The following XIRP2 variants were observed in gnomAD, a reference collection of about 807,000 sequenced individuals.
XIRP2 encodes xin actin binding repeat containing 2, also known as xin actin-binding repeat-containing protein 2.
In XIRP2, 236 loss-of-function variants were observed where a neutral mutation model predicts 277.0. That is an observed-to-expected ratio of 0.85 (90% CI 0.77 to 0.95). The LOEUF (loss-of-function observed/expected upper bound fraction) is 0.95, where lower values mean the gene tolerates loss of function less well. Among genes scored for constraint, XIRP2 ranks in the 40% least tolerant of loss-of-function variants. XIRP2 has a pLI of 0.00. For synonymous variants in XIRP2, 1,490 were observed against 1,416.5 expected (o/e 1.05, Z -1.17); for missense variants, 4,640 against 4,157.5 (o/e 1.12, Z -3.19).
At chr2:166,940,482 C>T (rs183319904) in intron 2 of XIRP2, among the ~76,000 whole-genome samples, 10 of 152,342 alleles carry the variant, frequency 6.6e-5, no homozygotes, top group Non-Finnish European at 1.5e-4. Flanking sequence ...TGTTCTGTTG[C>T]TGGCGAGGAG....
chr2:167,096,526 G>C (rs1376735355), intron 2 of XIRP2, among the ~76,000 whole-genome samples: 1 of 151,922 alleles, frequency 6.6e-6, no homozygotes, highest in East Asian at 1.9e-4. Context: ...CTTTTTGAAG[G>C]GTTTTTCATG....
intron 2 of XIRP2, among the ~76,000 whole-genome samples, chr2:166,968,596 C>T (rs1686489669): frequency 6.6e-6 from 1 of 151,918 alleles, no homozygotes; most frequent in Non-Finnish European, 1.5e-5. Context: ...AAACTTACTG[C>T]TTATTTGTTG....
chr2:166,911,638 T>C (rs935248064), intron 2 of XIRP2, among the ~76,000 whole-genome samples: 2 of 152,220 alleles, frequency 1.3e-5, no homozygotes, highest in African/African-American at 4.8e-5. Context: ...ATGTGTGAAT[T>C]TGATCCTGTC....
At position 167,251,246 on chromosome 2, in the gene XIRP2, C is replaced by T; in HGVS notation, c.9854C>T (p.Pro3285Leu). 6.2e-7 allele frequency: 1 copy of T among 1,613,558 alleles called. No homozygotes were observed. The highest frequency in any genetic ancestry group is 8.5e-7 in the Non-Finnish European group (1 of 1,179,700). The change falls in exon 9 of 11, where the codon CCC (proline) becomes CTC (leucine). Residue 3285 changes from proline (P) to leucine (L), a missense_variant. Coordinates refer to ENST00000409195, the MANE Select transcript of XIRP2 (RefSeq NM_152381.6). The stretch of plus-strand genomic sequence containing the variant: ...CTAAATTCCACTGATCACATGGTGC[C>T]CGACACTGAAAGTTATGATGCAGTT... ...DGLNSTDHMV[P>L]DTESYDAVEI...
intron 3 of XIRP2, among the ~76,000 whole-genome samples, chr2:167,205,860 C>G (rs1693839605): frequency 6.6e-6 from 1 of 152,044 alleles, no homozygotes. Flanking sequence ...ATTTTTATGT[C>G]TACCTTATTG....
At position 166,984,898 on chromosome 2, in the gene XIRP2, T is replaced by C. The variant is rs1686962061; in HGVS notation, c.408+81008T>C. 3.3e-5 allele frequency among the ~76,000 whole-genome samples: 5 copies of C among 152,328 alleles called. No homozygotes were observed. The South Asian group carries it at 1.0e-3, about 32-fold the overall frequency. Reference sequence around the variant, plus strand: ...GAGCTTTTGGCTTTATAAGACTCAATTTGAATTTTACTTTTTTCAAATCAG... The same window carrying C: ...GAGCTTTTGGCTTTATAAGACTCAACTTGAATTTTACTTTTTTCAAATCAG... On this transcript the variant is annotated intron_variant, in intron 2 of 10. Transcript: ENST00000409195.
chr2:167,231,953 A>C (rs970245963), intron 5 of XIRP2, among the ~76,000 whole-genome samples: 1 of 151,946 alleles, frequency 6.6e-6, no homozygotes, highest in Non-Finnish European at 1.5e-5. Flanking sequence ...TATATTCTGT[A>C]CTGTTACTGG....
intron 4 of XIRP2, among the ~76,000 whole-genome samples, chr2:167,214,265 G>C (rs1449022931): frequency 3.2e-5 from 3 of 92,598 alleles, no homozygotes; most frequent in Non-Finnish European, 4.1e-5. Context: ...AGGAAAGAGA[G>C]AGAGAGAAAG....
intron 5 of XIRP2, among the ~76,000 whole-genome samples, chr2:167,236,548 G>A (rs1399462959): frequency 6.6e-6 from 1 of 151,968 alleles, no homozygotes; most frequent in African/African-American, 2.4e-5. Context: ...TTCAAAGTTA[G>A]AGCATATACA....
At chr2:166,888,844 A>T (rs1005687944) in intron 1 of XIRP2, among the ~76,000 whole-genome samples, 1 of 152,162 alleles carries the variant, frequency 6.6e-6, no homozygotes, top group Non-Finnish European at 1.5e-5. Flanking sequence ...AATCTCTCAG[A>T]CTCAAAACAC....
Position 167,251,022 on chromosome 2 carries a change from G to C in XIRP2, c.9630G>C (p.Lys3210Asn), listed in dbSNP as rs772147805. The change falls in exon 9 of 11, where the codon AAG becomes AAC. Residue 3210 changes from lysine to asparagine, a missense_variant. By Grantham distance (94) the Lys-to-Asn change is moderately conservative (BLOSUM62 0). Transcript: ENST00000409195. ...PAATPVPIVEKRSEIIMSPAT... is the reference protein window; with the variant it reads ...PAATPVPIVENRSEIIMSPAT... ...CAACCCCGGTTCCAATTGTAGAGAA[G>C]AGGTCTGAAATCATCATGTCTCCTG... 1.1e-5 allele frequency: 17 copies of C among 1,613,528 alleles called. No individual in the cohort carries two copies. The highest frequency in any genetic ancestry group is 1.4e-5 in the Non-Finnish European group (17 of 1,179,738).
intron 5 of XIRP2, among the ~76,000 whole-genome samples, chr2:167,231,323 A>G (rs1258976638): frequency 6.6e-6 from 1 of 151,998 alleles, no homozygotes; most frequent in Non-Finnish European, 1.5e-5. Flanking sequence ...GATACCCTTA[A>G]CAGGAAAACT....
At chr2:166,999,520 A>T (rs1169149169) in intron 2 of XIRP2, among the ~76,000 whole-genome samples, 1 of 152,160 alleles carries the variant, frequency 6.6e-6, no homozygotes, top group African/African-American at 2.4e-5. Flanking sequence ...TGCAACGTAC[A>T]TCCATGTTCC....
chr2:167,166,491 T>C (rs901938158), intron 3 of XIRP2, among the ~76,000 whole-genome samples: 4 of 152,144 alleles, frequency 2.6e-5, no homozygotes, highest in Non-Finnish European at 5.9e-5. Context: ...GATGGTTGTG[T>C]TCATCTGTTT....
chr2:166,932,343 A>G (rs997676251), intron 2 of XIRP2, among the ~76,000 whole-genome samples: 1 of 151,824 alleles, frequency 6.6e-6, no homozygotes. Context: ...CAGTCCCCCA[A>G]GTAGCTGGGG....
At chr2:166,987,468 G>A (rs567074222) in intron 2 of XIRP2, among the ~76,000 whole-genome samples, 41 of 152,214 alleles carry the variant, frequency 2.7e-4, no homozygotes, top group African/African-American at 9.6e-4. Context: ...AAACAGTTGA[G>A]ACATTTGGGG....
At chr2:167,037,768 AAG>A (rs1688552222) in intron 2 of XIRP2, among the ~76,000 whole-genome samples, 3 of 152,058 alleles carry the variant, frequency 2.0e-5, no homozygotes, top group Admixed American at 1.3e-4. Context: ...ATCAGAATAC[AAG>A]AGTCTATGTA....
chr2:167,176,771 A>T (rs1692858413), intron 3 of XIRP2, among the ~76,000 whole-genome samples: 1 of 152,092 alleles, frequency 6.6e-6, no homozygotes, highest in African/African-American at 2.4e-5. Flanking sequence ...TCACCAGAGG[A>T]TTTACATTAG....
chr2:167,074,087 T>C (rs1416479832), intron 2 of XIRP2, among the ~76,000 whole-genome samples: 7 of 152,150 alleles, frequency 4.6e-5, no homozygotes, highest in Non-Finnish European at 8.8e-5. Flanking sequence ...GAAAAAACTT[T>C]AGAGTCATGT....
Sources: allele counts gnomAD v4.1 joint callset (sites outside exome capture counted in the v4.1 genomes callset), GRCh38; gene constraint gnomAD v4.1.1; transcripts MANE v1.5; gene names NCBI Gene and HGNC (gene_info 2026-07-23, HGNC 2026-07-21).